TRPC4: variants seen among roughly 807,000 people sequenced by gnomAD.
TRPC4 encodes transient receptor potential cation channel subfamily C member 4, also known as short transient receptor potential channel 4.
A neutral mutation model predicts 99.4 loss-of-function variants in TRPC4; 49 were observed. The ratio of observed to expected loss-of-function variants is 0.49; its 90% CI spans 0.39 to 0.63. The LOEUF (loss-of-function observed/expected upper bound fraction) is 0.63. Ranked by LOEUF, TRPC4 falls within the 20% of genes least tolerant of loss-of-function variation. The pLI is 0.00. For missense variants in TRPC4, 898 were observed against 1,152.9 expected, an observed-to-expected ratio of 0.78 and a Z score of 3.20; for synonymous variants, 454 against 425.9, an observed-to-expected ratio of 1.07 and a Z score of -0.81.
Position 37,799,998 on chromosome 13 carries a change from C to T in TRPC4, c.-27-16638G>A, listed in dbSNP as rs77175091. ...AGGCGGGGTTGTTGCAGTGCAAATG[C>T]GATATAATATCTACAAAGTGGCTAA... On this transcript the variant is annotated intron_variant, in intron 1 of 10. Transcript: ENST00000379705. Among the ~76,000 whole-genome samples, 575 of 152,018 alleles carry T rather than the reference C, an allele frequency of 3.8e-3. 10 individuals carry two copies. Among genetic ancestry groups the T allele is most frequent in the Non-Finnish European group, 4.0e-3 (273 of 67,986 alleles).
At chr13:37,704,447 G>A (rs1289252162) in intron 3 of TRPC4, among the ~76,000 whole-genome samples, 1 of 152,112 alleles carries the variant, frequency 6.6e-6, no homozygotes, top group Non-Finnish European at 1.5e-5. Flanking sequence ...AGCACTTTGG[G>A]AAGCCAAGGC....
intron 1 of TRPC4, among the ~76,000 whole-genome samples, chr13:37,805,337 T>C (rs1399209149): frequency 6.6e-6 from 1 of 152,026 alleles, no homozygotes; most frequent in African/African-American, 2.4e-5. Context: ...GCTTATACAG[T>C]AAAGAAAGTA....
chr13:37,685,818 T>C (rs1020576359), intron 4 of TRPC4, among the ~76,000 whole-genome samples: 8 of 152,136 alleles, frequency 5.3e-5, no homozygotes, highest in Non-Finnish European at 8.8e-5. Context: ...TGTTCAGCAT[T>C]AATAGGGGCA....
At chr13:37,657,580 G>A (rs905595764) in intron 6 of TRPC4, among the ~76,000 whole-genome samples, 6 of 152,150 alleles carry the variant, frequency 3.9e-5, no homozygotes, top group African/African-American at 1.4e-4. Flanking sequence ...GACATGAATA[G>A]CAATTTAAGG....
intron 1 of TRPC4, among the ~76,000 whole-genome samples, chr13:37,867,786 A>G (rs1959861960): frequency 6.6e-6 from 1 of 152,116 alleles, no homozygotes; most frequent in Admixed American, 6.5e-5. Flanking sequence ...TACCAATTAA[A>G]ATGATGTAAT....
intron 1 of TRPC4, among the ~76,000 whole-genome samples, chr13:37,833,685 C>G (rs1428158434): frequency 6.6e-6 from 1 of 152,012 alleles, no homozygotes; most frequent in Non-Finnish European, 1.5e-5. Context: ...GGTTTTGCGC[C>G]TCAACTGTCA....
At chr13:37,776,947 AT>A (rs1362272349) in intron 2 of TRPC4, among the ~76,000 whole-genome samples, 22 of 151,906 alleles carry the variant, frequency 1.4e-4, no homozygotes, top group Non-Finnish European at 3.1e-4. Flanking sequence ...AGCAGTGTAT[AT>A]TTTGGGTTAT....
chr13:37,859,021 G>A (rs1959198737), intron 1 of TRPC4, among the ~76,000 whole-genome samples: 1 of 151,224 alleles, frequency 6.6e-6, no homozygotes, highest in African/African-American at 2.4e-5. Flanking sequence ...CTGCGTGCCT[G>A]CATCAAAATA....
chr13:37,744,515 T>C (rs1411103599), intron 3 of TRPC4, among the ~76,000 whole-genome samples: 1 of 152,174 alleles, frequency 6.6e-6, no homozygotes, highest in Non-Finnish European at 1.5e-5. Context: ...TCATTTCACC[T>C]TGTTTCAGGC....
chr13:37,810,218 C>T (rs926411051), intron 1 of TRPC4, among the ~76,000 whole-genome samples: 12 of 151,940 alleles, frequency 7.9e-5, no homozygotes, highest in Admixed American at 6.6e-4. Context: ...TTGATAAAAC[C>T]AAATGCTTTA....
chr13:37,853,745 A>G (rs1959114290), intron 1 of TRPC4, among the ~76,000 whole-genome samples: 1 of 152,044 alleles, frequency 6.6e-6, no homozygotes, highest in African/African-American at 2.4e-5. Context: ...AACTGAAAAG[A>G]ATCAAGCAGA....
Position 37,862,053 on chromosome 13 carries a change from G to A in TRPC4, c.-28+7542C>T, listed in dbSNP as rs1014579752. Among the ~76,000 whole-genome samples, 3 of 151,498 alleles carry A rather than the reference G, an allele frequency of 2.0e-5. No homozygotes were observed. The East Asian group carries it at 5.8e-4, about 29-fold the overall frequency. On this transcript the variant is annotated intron_variant, in intron 1 of 10. Coordinates refer to ENST00000379705, the MANE Select transcript of TRPC4 (RefSeq NM_016179.4). ...AAAGGTAGTCTATTTCTAGGCTTTC[G>A]ATAGACGTAGCTGTAGACAGAGGAG...
At chr13:37,795,045 A>G (rs1451065736) in intron 1 of TRPC4, among the ~76,000 whole-genome samples, 3 of 152,190 alleles carry the variant, frequency 2.0e-5, no homozygotes, top group African/African-American at 7.2e-5. Flanking sequence ...TTTACTTCTA[A>G]AAATAACTAC....
At chr13:37,868,991 A>T (rs1011625978) in intron 1 of TRPC4, among the ~76,000 whole-genome samples, 1 of 152,078 alleles carries the variant, frequency 6.6e-6, no homozygotes, top group Non-Finnish European at 1.5e-5. Context: ...CATTGGCTTC[A>T]TTGGAATCTC....
intron 2 of TRPC4, among the ~76,000 whole-genome samples, chr13:37,773,935 C>T (rs114108965): frequency 0.016 from 2,494 of 151,764 alleles, 51 homozygotes; most frequent in African/African-American, 0.057. Flanking sequence ...AAATACATAA[C>T]ATATAAAGTC....
intron 8 of TRPC4, among the ~76,000 whole-genome samples, chr13:37,642,743 T>C (rs1181184823): frequency 1.3e-5 from 2 of 150,942 alleles, no homozygotes; most frequent in East Asian, 1.9e-4. Flanking sequence ...TTTCTTTTTT[T>C]TTTTTTTTTT....
At chr13:37,830,139 T>C (rs1207557444) in intron 1 of TRPC4, among the ~76,000 whole-genome samples, 1 of 152,160 alleles carries the variant, frequency 6.6e-6, no homozygotes, top group Non-Finnish European at 1.5e-5. Flanking sequence ...GTGAGTCTTA[T>C]GGTATGTGAA....
At chr13:37,696,275 G>A (rs1953902430) in intron 3 of TRPC4, among the ~76,000 whole-genome samples, 1 of 152,108 alleles carries the variant, frequency 6.6e-6, no homozygotes, top group African/African-American at 2.4e-5. Flanking sequence ...ACAACATGTG[G>A]GAATTATGGG....
intron 1 of TRPC4, among the ~76,000 whole-genome samples, chr13:37,790,270 AG>A (rs1957082433): frequency 6.6e-6 from 1 of 152,184 alleles, no homozygotes; most frequent in African/African-American, 2.4e-5. Flanking sequence ...AGTTATAAAA[AG>A]ATGCATAAGA....
Sources: allele counts gnomAD v4.1 joint callset (sites outside exome capture counted in the v4.1 genomes callset), GRCh38; gene constraint gnomAD v4.1.1; transcripts MANE v1.5; gene names NCBI Gene and HGNC (gene_info 2026-07-23, HGNC 2026-07-21).